Variants in TMTC1 observed in about 807,000 individuals in gnomAD.
TMTC1 encodes protein O-mannosyl-transferase TMTC1.
In TMTC1, 73 loss-of-function variants were observed where a neutral mutation model predicts 104.8. That is an observed-to-expected ratio of 0.70 (90% CI 0.58 to 0.85). TMTC1 has a LOEUF of 0.85. Among genes scored for constraint, TMTC1 ranks in the 40% least tolerant of loss-of-function variants. The pLI is 0.00. For synonymous variants in TMTC1, 434 were observed against 428.7 expected (o/e 1.01, Z -0.15); for missense variants, 1,035 against 1,096.1 (o/e 0.94, Z 0.79).
At chr12:29,648,919 A>G (rs1250355256) in intron 5 of TMTC1, among the ~76,000 whole-genome samples, 1 of 152,108 alleles carries the variant, frequency 6.6e-6, no homozygotes, top group Non-Finnish European at 1.5e-5. Context: ...GCACATGGCC[A>G]TTGGAACTAG....
At chr12:29,557,084 T>C (rs1945265725) in intron 9 of TMTC1, 84 bp from the exon 10 acceptor site, 6 of 1,453,052 alleles carry the variant, frequency 4.1e-6, no homozygotes, top group African/African-American at 1.4e-5. Flanking sequence ...CCCCCAAGTA[T>C]GAACAGCCAA....
intron 7 of TMTC1, among the ~76,000 whole-genome samples, chr12:29,589,268 G>A (rs1390524779): frequency 1.3e-5 from 2 of 152,134 alleles, no homozygotes; most frequent in African/African-American, 4.8e-5. Context: ...CACCTTTGGA[G>A]AAAGGCACAG....
chr12:29,751,869 G>A lies in TMTC1; in HGVS notation c.735C>T (p.Ser245=). 1 of 1,560,880 alleles carries A rather than the reference G, an allele frequency of 6.4e-7. No individual in the cohort carries two copies. Reference sequence around the variant, plus strand: ...GGCTGCGTGGACAGAGGGCCCCATTGCTCCTGTTGTGCATGGAATTGAGGG... The same window carrying A: ...GGCTGCGTGGACAGAGGGCCCCATTACTCCTGTTGTGCATGGAATTGAGGG... ...FSLSNKQDKS[S]NGALCPRSPQ... is the part of the protein sequence containing the mutation. Residue 245 remains serine, a synonymous_variant, in exon 5 of 18, where the codon AGC becomes AGT. Transcript: ENST00000539277.
In TMTC1 at chr12:29,701,552, C is replaced by T. The variant is rs573691733; in HGVS notation, c.938+50114G>A. Among the ~76,000 whole-genome samples the T allele has an allele frequency of 7.2e-5, 11 of 152,328 alleles. No individual in the cohort carries two copies. The East Asian group carries it at 9.6e-4, about 13-fold the overall frequency. On this transcript the variant is annotated intron_variant, in intron 5 of 17. Transcript: ENST00000539277. Reference sequence around the variant, plus strand: ...CTGCTTCATAGTCCTGCATAGAAGGCTGAAGGTTCTTCCCACCTCCTTTCA... The same window carrying T: ...CTGCTTCATAGTCCTGCATAGAAGGTTGAAGGTTCTTCCCACCTCCTTTCA...
rs142666353 is a variant in TMTC1, at chr12:29,560,296, G to A, written c.1533-3296C>T. Among the ~76,000 whole-genome samples, 646 of 152,210 alleles carry A rather than the reference G, an allele frequency of 4.2e-3. 4 individuals carry two copies. The highest frequency in any genetic ancestry group is 5.9e-3 in the Non-Finnish European group (400 of 68,004). ...GGCCTGTTTGTAAGAGCACTCACTG[G>A]ATTTTCTTTCTCACAGTATTCTTCA... On this transcript the variant is annotated intron_variant, in intron 9 of 17. Transcript: ENST00000539277.
intron 10 of TMTC1, among the ~76,000 whole-genome samples, chr12:29,546,538 A>G (rs780024422): frequency 2.0e-5 from 3 of 151,896 alleles, no homozygotes; most frequent in Non-Finnish European, 4.4e-5. Flanking sequence ...TGTCCTTCCT[A>G]TTTCTCTTCC....
chr12:29,771,600 C>T (rs145081956), intron 1 of TMTC1, among the ~76,000 whole-genome samples: 8 of 152,226 alleles, frequency 5.3e-5, no homozygotes, highest in Non-Finnish European at 7.4e-5. Context: ...AATTAAACAG[C>T]GAATTAAATG....
chr12:29,759,457 A>G (rs1943293927), intron 2 of TMTC1, among the ~76,000 whole-genome samples: 1 of 152,204 alleles, frequency 6.6e-6, no homozygotes, highest in South Asian at 2.1e-4. Flanking sequence ...TGATCGTGCC[A>G]CTGCACTCAG....
chr12:29,756,646 C>T (rs1181328808), intron 3 of TMTC1, among the ~76,000 whole-genome samples: 1 of 152,068 alleles, frequency 6.6e-6, no homozygotes, highest in African/African-American at 2.4e-5. Context: ...TGCTGTTAAG[C>T]TTTTGTTTCA....
At chr12:29,718,482 G>T (rs1942144835) in intron 5 of TMTC1, among the ~76,000 whole-genome samples, 1 of 152,112 alleles carries the variant, frequency 6.6e-6, no homozygotes, top group Non-Finnish European at 1.5e-5. Context: ...CCGACTTCTG[G>T]CCTACATGTG....
chr12:29,611,194 T>G (rs1592320499), intron 6 of TMTC1, among the ~76,000 whole-genome samples: 2 of 150,470 alleles, frequency 1.3e-5, no homozygotes, highest in Admixed American at 1.3e-4. Context: ...TTTTTTTTTT[T>G]GCACAGAGCC....
chr12:29,607,447 CT>C (rs1421550741), intron 6 of TMTC1, among the ~76,000 whole-genome samples: 2 of 152,080 alleles, frequency 1.3e-5, no homozygotes, highest in Admixed American at 1.3e-4. Flanking sequence ...GAGGTGACAT[CT>C]GGGCTTGAAA....
intron 13 of TMTC1, 50 bp downstream of exon 13, chr12:29,518,422 G>A (rs771874960): frequency 6.3e-7 from 1 of 1,590,528 alleles, no homozygotes; most frequent in South Asian, 1.1e-5. Context: ...GCTGATGAGT[G>A]ATTGCTGAGG....
chr12:29,735,676 A>G (rs1433477372), intron 5 of TMTC1, among the ~76,000 whole-genome samples: 2 of 152,200 alleles, frequency 1.3e-5, no homozygotes, highest in Non-Finnish European at 2.9e-5. Context: ...CAGGCACGGA[A>G]GGAAGACTGC....
At chr12:29,574,293 T>C (rs757564815) in intron 8 of TMTC1, among the ~76,000 whole-genome samples, 22 of 152,192 alleles carry the variant, frequency 1.4e-4, no homozygotes, top group African/African-American at 3.1e-4. Context: ...AGGATCACTA[T>C]AGACTGGCCT....
intron 5 of TMTC1, among the ~76,000 whole-genome samples, chr12:29,690,822 G>T (rs754634986): frequency 5.9e-5 from 9 of 152,208 alleles, no homozygotes; most frequent in Non-Finnish European, 8.8e-5. Context: ...GATTTAAGAA[G>T]AAAACTCTAA....
intron 10 of TMTC1, among the ~76,000 whole-genome samples, chr12:29,547,855 AT>A (rs1944981721): frequency 6.6e-6 from 1 of 152,236 alleles, no homozygotes; most frequent in Admixed American, 6.5e-5. Context: ...CAGATGTTGG[AT>A]TTGGAAGAGC....
intron 5 of TMTC1, among the ~76,000 whole-genome samples, chr12:29,684,401 T>C (rs899663882): frequency 5.9e-5 from 9 of 152,186 alleles, no homozygotes; most frequent in African/African-American, 2.2e-4. Flanking sequence ...ATATTTAGTT[T>C]ATCTCATTTG....
intron 7 of TMTC1, among the ~76,000 whole-genome samples, chr12:29,589,850 T>C (rs1252394994): frequency 6.6e-6 from 1 of 152,230 alleles, no homozygotes; most frequent in Non-Finnish European, 1.5e-5. Flanking sequence ...GTTTTAAATA[T>C]ATTATCTAAT....
Sources: allele counts gnomAD v4.1 joint callset (sites outside exome capture counted in the v4.1 genomes callset), GRCh38; gene constraint gnomAD v4.1.1; transcripts MANE v1.5; gene names NCBI Gene and HGNC (gene_info 2026-07-23, HGNC 2026-07-21).